GRPR: variants seen among roughly 807,000 people sequenced by gnomAD.
GRPR encodes gastrin releasing peptide receptor.
In GRPR, 4 loss-of-function variants were observed where a neutral mutation model predicts 15.6. The observed-to-expected ratio is 0.26, with a 90% CI of 0.13 to 0.59. GRPR has a LOEUF of 0.59. Ranked by LOEUF, GRPR falls within the 20% of genes least tolerant of loss-of-function variation. The pLI is 0.90. For missense variants in GRPR, 270 were observed against 304.1 expected (o/e 0.89, Z 0.83); for synonymous variants, 128 against 126.8 (o/e 1.01, Z -0.06).
At chrX:16,139,870 T>C (rs757885460) in intron 1 of GRPR, among the ~76,000 whole-genome samples, 14 of 112,608 alleles carry the variant, frequency 1.2e-4, no homozygotes, top group Admixed American at 1.0e-3. Context: ...TATTGTTATG[T>C]AGGGGCAGAG....
intron 1 of GRPR, among the ~76,000 whole-genome samples, chrX:16,146,035 G>A (rs1362007970): frequency 9.0e-6 from 1 of 111,594 alleles, no homozygotes; most frequent in Non-Finnish European, 1.9e-5. Context: ...CTGGAATTGG[G>A]CATGATGGAA....
In GRPR at chrX:16,150,362, C is replaced by T; in HGVS notation, c.471C>T (p.Ile157=). The T allele has an allele frequency of 8.3e-7, 1 of 1,209,654 alleles. No homozygotes were observed. Among genetic ancestry groups the T allele is most frequent in the Non-Finnish European group, 1.1e-6 (1 of 893,651 alleles). ...AGGCCTCTCATGCCCTGATGAAGAT[C>T]TGCCTCAAAGCCGCCTTTATCTGGA... is the stretch of plus-strand genomic sequence containing the variant. The part of the protein sequence containing the change: ...DIQASHALMK[I]CLKAAFIWII... The change falls in exon 2 of 3, where the codon ATC becomes ATT. Residue 157 remains isoleucine (I), a synonymous_variant. Transcript: ENST00000380289.
In GRPR at chrX:16,124,327, G is replaced by A. The variant is rs1922255689; in HGVS notation, c.374G>A (p.Gly125Glu). 1 of 1,209,013 alleles carries A rather than the reference G, an allele frequency of 8.3e-7. No individual in the cohort carries two copies. Among genetic ancestry groups the A allele is most frequent in the Admixed American group, 2.2e-5 (1 of 45,682 alleles). The change falls in exon 1 of 3, where the codon GGG (glycine) becomes GAG (glutamate). Residue 125 changes from glycine (G) to glutamate (E), a missense_variant. Transcript: ENST00000380289. The part of the protein sequence containing the change: ...LIPFIQLTSV[G>E]VSVFTLTALS... ...CCCTTTATACAGCTTACCTCTGTTG[G>A]GGTGTCTGTCTTCACACTCACGGCG... is the stretch of plus-strand genomic sequence containing the variant.
In GRPR at chrX:16,130,217, G is replaced by A. The variant is rs183716261; in HGVS notation, c.413+5851G>A. On this transcript the variant is annotated intron_variant, in intron 1 of 2. Transcript: ENST00000380289. Reference sequence around the variant, plus strand: ...CGTATGGGGTGGTTCATAGGGATCTGTGTCTTCTACAGTAGCCAGGCCCAC... The same window carrying A: ...CGTATGGGGTGGTTCATAGGGATCTATGTCTTCTACAGTAGCCAGGCCCAC... Among the ~76,000 whole-genome samples, 3 of 111,952 alleles carry A rather than the reference G, an allele frequency of 2.7e-5. No homozygotes were observed. In the East Asian group the frequency reaches 8.4e-4, roughly 31 times the overall value.
At position 16,153,259 on chromosome X, in the gene GRPR, T is replaced by TAAA. The variant is rs767564828; in HGVS notation, c.*617_*619dup. On this transcript the variant is annotated 3_prime_UTR_variant, in exon 3 of 3. Coordinates refer to ENST00000380289, the MANE Select transcript of GRPR (RefSeq NM_005314.3). ...ATTCCCTAAGCATTTATTTTTTTTT[T>TAAA]AAAAAGATGTTACTGAGGACCTAGA... 3,906 of 110,058 alleles carry TAAA rather than the reference T, an allele frequency of 0.035. 183 individuals carry two copies. The highest frequency in any genetic ancestry group is 0.12 in the African/African-American group (3,651 of 29,813). The allele number at this position is 110,058 out of a possible 1,213,427, so 9.1% of individuals were successfully genotyped here.
rs112179848 is a variant in GRPR at position 16,152,642 on chromosome X, C to G, written c.1152C>G (p.Val384=). The G allele has an allele frequency of 1.2e-4, 149 of 1,204,851 alleles. 3 individuals carry two copies. The African/African-American group carries it at 1.5e-3, about 12-fold the overall frequency. ...GAAACATCTGTCACGAGCGGTATGT[C>G]TAGATTGACCCTTGATTTTGCCCCC... is the stretch of plus-strand genomic sequence containing the variant. ...INGNICHERY[V] Residue 384 remains valine, a synonymous_variant, in exon 3 of 3, where the codon GTC becomes GTG. Transcript: ENST00000380289.
chrX:16,128,308 A>G (rs1922324619), intron 1 of GRPR, among the ~76,000 whole-genome samples: 1 of 111,782 alleles, frequency 8.9e-6, no homozygotes, highest in African/African-American at 3.3e-5. Context: ...TGAGGTCAGG[A>G]GTTTGAGACC....
At chrX:16,140,731 C>T (rs1808997081) in intron 1 of GRPR, among the ~76,000 whole-genome samples, 1 of 111,911 alleles carries the variant, frequency 8.9e-6, no homozygotes, top group African/African-American at 3.3e-5. Flanking sequence ...CACCGTGGTG[C>T]CCTTTACTGG....
In GRPR at chrX:16,152,374, A is replaced by G; in HGVS notation, c.884A>G (p.Asp295Gly). The G allele has an allele frequency of 8.3e-7, 1 of 1,209,918 alleles. No homozygotes were observed. Among genetic ancestry groups the G allele is most frequent in the Non-Finnish European group, 1.1e-6 (1 of 894,096 alleles). Residue 295 changes from aspartate (D) to glycine (G), a missense_variant, in exon 3 of 3, where the codon GAC becomes GGC. Coordinates refer to ENST00000380289, the MANE Select transcript of GRPR (RefSeq NM_005314.3). ...LYRSYHYSEV[D>G]TSMLHFVTSI... ...CGCTCCTACCACTACTCTGAGGTGG[A>G]CACCTCCATGCTCCACTTTGTCACC...
rs1922684902 is a variant in GRPR, at chrX:16,150,662, T to C, written c.765+6T>C. Reference sequence around the variant, plus strand: ...ATATACATGTCAAGAAGCAGGTAGGTGCTCAGGATTGATTCATTTCCTCCT... The same window carrying C: ...ATATACATGTCAAGAAGCAGGTAGGCGCTCAGGATTGATTCATTTCCTCCT... On this transcript the variant is annotated splice_donor_region_variant and intron_variant, in intron 2 of 2. Transcript: ENST00000380289. 3.0e-6 allele frequency: 3 copies of C among 1,003,727 alleles called. No homozygotes were observed. Among genetic ancestry groups the C allele is most frequent in the Non-Finnish European group, 4.2e-6 (3 of 706,955 alleles). The allele number at this position is 1,003,727 out of a possible 1,213,427, so 82.7% of individuals were successfully genotyped here. A position where few individuals can be genotyped will look rare whatever the true frequency, so the allele number is the denominator to read the frequency against.
At chrX:16,138,890 G>A (rs1381191176) in intron 1 of GRPR, among the ~76,000 whole-genome samples, 1 of 111,859 alleles carries the variant, frequency 8.9e-6, no homozygotes, top group Non-Finnish European at 1.9e-5. Flanking sequence ...TAAGCAACAA[G>A]TCCCCTTATT....
chrX:16,139,600 G>A (rs893159783), intron 1 of GRPR, among the ~76,000 whole-genome samples: 8 of 111,429 alleles, frequency 7.2e-5, no homozygotes, highest in Non-Finnish European at 1.3e-4. Flanking sequence ...TTCAAAGTGC[G>A]TTTGAAAAAT....
At chrX:16,152,152 T>C in intron 2 of GRPR, 104 bp from the exon 3 acceptor site, 1 of 734,383 alleles carries the variant, frequency 1.4e-6, no homozygotes, top group Non-Finnish European at 2.2e-6. Context: ...ATTGCCCTAA[T>C]TGTTTTTCCC....
intron 1 of GRPR, among the ~76,000 whole-genome samples, chrX:16,127,651 A>T (rs1922313920): frequency 8.9e-6 from 1 of 111,839 alleles, no homozygotes. Flanking sequence ...ACAAACCTGC[A>T]TTTTAGACAT....
chrX:16,139,268 G>T (rs767677994), intron 1 of GRPR, among the ~76,000 whole-genome samples: 1 of 107,454 alleles, frequency 9.3e-6, no homozygotes, highest in Non-Finnish European at 1.9e-5. Context: ...GGTTCATAGG[G>T]GAGCCAAGAG....
chrX:16,150,141 C>T (rs1922672213), intron 1 of GRPR, among the ~76,000 whole-genome samples, 164 bp from the exon 2 acceptor site: 1 of 111,048 alleles, frequency 9.0e-6, no homozygotes, highest in South Asian at 3.9e-4. Context: ...AGGAGGCACT[C>T]ACTCTCAGGG....
intron 1 of GRPR, among the ~76,000 whole-genome samples, chrX:16,130,362 A>G (rs1162558206): frequency 8.9e-6 from 1 of 112,611 alleles, no homozygotes; most frequent in Admixed American, 9.4e-5. Flanking sequence ...TGTTTGACAC[A>G]GAGACCAAAA....
In GRPR at chrX:16,129,821, C is replaced by T. The variant is rs73446172; in HGVS notation, c.413+5455C>T. On this transcript the variant is annotated intron_variant, in intron 1 of 2. Coordinates refer to ENST00000380289, the MANE Select transcript of GRPR (RefSeq NM_005314.3). ...TGAACTTGTGTCTGATCCTTTCATT[C>T]TTTCTTGTAGGTCCTCTTCCAGCTG... 8.3e-3 allele frequency among the ~76,000 whole-genome samples: 924 copies of T among 111,395 alleles called. 18 individuals are homozygous for T. Among genetic ancestry groups the T allele is most frequent in the African/African-American group, 0.028 (864 of 30,624 alleles).
intron 1 of GRPR, among the ~76,000 whole-genome samples, chrX:16,147,252 CAT>C (rs1437450959): frequency 8.9e-6 from 1 of 111,766 alleles, no homozygotes; most frequent in Non-Finnish European, 1.9e-5. Flanking sequence ...TTAAGAAACA[CAT>C]AGCCGCAATA....
Sources: allele counts gnomAD v4.1 joint callset (sites outside exome capture counted in the v4.1 genomes callset), GRCh38; gene constraint gnomAD v4.1.1; transcripts MANE v1.5; gene names NCBI Gene and HGNC (gene_info 2026-07-23, HGNC 2026-07-21).